Variants in SMARCA2 observed in about 807,000 individuals in gnomAD.
SMARCA2 encodes the protein SWI/SNF-related matrix-associated actin-dependent regulator of chromatin subfamily A member 2.
Under a neutral mutation model 199.8 loss-of-function variants are expected in SMARCA2, and 61 were observed. The ratio of observed to expected loss-of-function variants is 0.31; its 90% CI spans 0.25 to 0.38. The LOEUF (loss-of-function observed/expected upper bound fraction) is 0.38, where lower values mean the gene tolerates loss of function less well. SMARCA2 is among the 10% of genes least tolerant of loss of function. The pLI, the probability that SMARCA2 is intolerant of heterozygous loss-of-function variation, is 1.00. For missense variants in SMARCA2, 1,344 were observed against 2,012.2 expected (o/e 0.67, Z 6.35); for synonymous variants, 935 against 732.0 (o/e 1.28, Z -4.48).
At chr9:2,134,110 A>C (rs968974771) in intron 27 of SMARCA2, among the ~76,000 whole-genome samples, 11 of 152,228 alleles carry the variant, frequency 7.2e-5, no homozygotes, top group African/African-American at 2.7e-4. Flanking sequence ...AATTATTTCG[A>C]AGAAGACCTA....
chr9:2,139,676 C>T (rs753810426), intron 27 of SMARCA2, among the ~76,000 whole-genome samples: 1 of 152,158 alleles, frequency 6.6e-6, no homozygotes, highest in Non-Finnish European at 1.5e-5. Flanking sequence ...GTGGAGTCAG[C>T]TGGTCGTCAG....
chr9:2,064,911 G>A (rs1218035379), intron 9 of SMARCA2, among the ~76,000 whole-genome samples: 1 of 152,228 alleles, frequency 6.6e-6, no homozygotes, highest in African/African-American at 2.4e-5. Flanking sequence ...TCAGCTGGGT[G>A]CGGCGGCTCA....
At position 2,161,571 on chromosome 9, in the gene SMARCA2, G is replaced by T; in HGVS notation, c.3982-115G>T. On this transcript the variant is annotated intron_variant, in intron 27 of 33. Coordinates refer to ENST00000349721, the MANE Select transcript of SMARCA2 (RefSeq NM_003070.5). This position sits in a 1 kb window ranked among gnomAD's most constrained non-coding sequence, Gnocchi z 4.7. ...TACTGTTAACTTTTACTTTTTTTTGGTTAATTTCTTTCATTTTATTCTAAT... is the reference window on the plus strand; with the variant it reads ...TACTGTTAACTTTTACTTTTTTTTGTTTAATTTCTTTCATTTTATTCTAAT... The T allele has an allele frequency of 4.4e-5, 31 of 708,820 alleles. No individual in the cohort carries two copies. Among genetic ancestry groups the T allele is most frequent in the South Asian group, 1.0e-4 (5 of 47,744 alleles). The allele number at this position is 708,820 out of a possible 1,614,324, so 43.9% of individuals were successfully genotyped here. A position where few individuals can be genotyped will look rare whatever the true frequency, so the allele number is the denominator to read the frequency against.
chr9:2,127,779 G>C (rs1423215879), intron 27 of SMARCA2, among the ~76,000 whole-genome samples: 1 of 152,158 alleles, frequency 6.6e-6, no homozygotes, highest in African/African-American at 2.4e-5. Context: ...TAAGTGTTAT[G>C]GTCACTTTCT....
intron 29 of SMARCA2, among the ~76,000 whole-genome samples, chr9:2,172,758 G>A (rs1435265254): frequency 1.3e-5 from 2 of 152,156 alleles, no homozygotes; most frequent in Non-Finnish European, 2.9e-5. Context: ...GGGCGTGAGC[G>A]TGCAGGGACC....
At chr9:2,180,186 C>CTA (rs1826920603) in intron 29 of SMARCA2, among the ~76,000 whole-genome samples, 1 of 152,104 alleles carries the variant, frequency 6.6e-6, no homozygotes, top group South Asian at 2.1e-4. Flanking sequence ...TCTTCTTAAA[C>CTA]CTCTTGCGTT....
At chr9:2,096,627 C>T (rs781580278) in intron 19 of SMARCA2, 30 bp from the exon 20 acceptor site, 3 of 1,453,676 alleles carry the variant, frequency 2.1e-6, no homozygotes, top group Non-Finnish European at 2.9e-6. Flanking sequence ...CCTTCCTGCT[C>T]TTGCCTACTT....
intron 31 of SMARCA2, among the ~76,000 whole-genome samples, chr9:2,183,605 C>CTGCCTGCACATCAATT (rs1827212037): frequency 6.6e-6 from 1 of 152,212 alleles, no homozygotes; most frequent in Non-Finnish European, 1.5e-5. Flanking sequence ...TCATACCCTT[C>CTGCCTGCACATCAATT]TGCCTGCACA....
At chr9:2,187,292 G>A (rs150092177) in intron 32 of SMARCA2, among the ~76,000 whole-genome samples, 2 of 152,102 alleles carry the variant, frequency 1.3e-5, no homozygotes, top group African/African-American at 4.8e-5. Flanking sequence ...TACACCCAAG[G>A]TGCGTGCCTC....
chr9:2,111,460 C>A (rs537124371), intron 24 of SMARCA2, among the ~76,000 whole-genome samples: 2 of 149,080 alleles, frequency 1.3e-5, no homozygotes, highest in African/African-American at 2.5e-5. Flanking sequence ...CCACCGCTCT[C>A]CAGCCCGGGC....
At chr9:2,127,155 T>G (rs1823731699) in intron 27 of SMARCA2, among the ~76,000 whole-genome samples, 1 of 152,190 alleles carries the variant, frequency 6.6e-6, no homozygotes, top group Admixed American at 6.5e-5. Context: ...TTAATTGTCC[T>G]CTTAACATTT....
chr9:2,164,301 C>G (rs957054258), intron 28 of SMARCA2, among the ~76,000 whole-genome samples: 3 of 152,028 alleles, frequency 2.0e-5, no homozygotes, highest in African/African-American at 7.3e-5. Context: ...TGCCTTAAAC[C>G]TCAGCTAAGC....
At position 2,098,810 on chromosome 9, in the gene SMARCA2, C is replaced by T. The variant is rs558858731; in HGVS notation, c.3078+1339C>T. 1.4e-3 allele frequency among the ~76,000 whole-genome samples: 215 copies of T among 152,008 alleles called. 1 individual carries two copies. The highest frequency in any genetic ancestry group is 4.5e-3 in the African/African-American group (187 of 41,444). On this transcript the variant is annotated intron_variant, in intron 21 of 33. Transcript: ENST00000349721. The stretch of plus-strand genomic sequence containing the variant: ...AAAACTACAAAAATTAGCTGGGTGT[C>T]GTGGCAGGCACCTGTAATCCTAGCT...
chr9:2,041,833 T>C (rs1366984737), intron 4 of SMARCA2: 1 of 154,998 alleles, frequency 6.5e-6, no homozygotes, highest in Non-Finnish European at 1.4e-5. Flanking sequence ...TGCAGCCAGA[T>C]AGAAGAAAAA....
Position 2,017,771 on chromosome 9 carries a change from C to G in SMARCA2, c.-37+2367C>G, listed in dbSNP as rs1361200770. 6.6e-6 allele frequency: 1 copy of G among 152,412 alleles called. No individual in the cohort carries two copies. The highest frequency in any genetic ancestry group is 1.5e-5 in the Non-Finnish European group (1 of 68,190). The allele number at this position is 152,412 out of a possible 1,614,324, so 9.4% of individuals were successfully genotyped here. A position where few individuals can be genotyped will look rare whatever the true frequency, so the allele number is the denominator to read the frequency against. ...CCGCCACCCCAAGCTCCGCGAACCC[C>G]GCGCCCCTTTTTGTTCCGCGTCCTC... is the stretch of plus-strand genomic sequence containing the variant. On this transcript the variant is annotated intron_variant, in intron 1 of 33. Transcript: ENST00000349721. The surrounding 1 kb of genome is among the most constrained non-coding windows in gnomAD (Gnocchi z 8.8).
intron 27 of SMARCA2, among the ~76,000 whole-genome samples, chr9:2,128,114 C>T (rs958839578): frequency 3.9e-5 from 6 of 152,076 alleles, no homozygotes; most frequent in Non-Finnish European, 7.4e-5. Flanking sequence ...TTCTCTCTTC[C>T]CCGGGGGCTC....
At chr9:2,149,329 C>G (rs914418066) in intron 27 of SMARCA2, among the ~76,000 whole-genome samples, 14 of 108,070 alleles carry the variant, frequency 1.3e-4, no homozygotes, top group African/African-American at 3.6e-4. Flanking sequence ...ACCAGCCTGG[C>G]CAGCATGGTG....
chr9:2,175,856 T>C (rs1365893290), intron 29 of SMARCA2, among the ~76,000 whole-genome samples: 1 of 151,830 alleles, frequency 6.6e-6, no homozygotes, highest in Non-Finnish European at 1.5e-5. Context: ...TTTGATATCC[T>C]CTGTTTTTTT....
chr9:2,172,440 G>C (rs75310636), intron 29 of SMARCA2, among the ~76,000 whole-genome samples: 7,318 of 151,658 alleles, frequency 0.048, 361 homozygotes, highest in African/African-American at 0.12. Context: ...GGATGGGTGG[G>C]GGGGCAGAGC....
Sources: gnomAD v4.1 joint callset for allele counts (sites outside exome capture counted in the v4.1 genomes callset) on GRCh38, gnomAD v4.1.1 for gene constraint, Gnocchi (gnomAD v3.1) non-coding constraint, MANE v1.5 for transcripts, NCBI Gene and HGNC (gene_info 2026-07-23, HGNC 2026-07-21) for gene names.